LHFPL3: variants seen among roughly 807,000 people sequenced by gnomAD.
LHFPL3 encodes LHFPL tetraspan subfamily member 3 protein.
LHFPL3 carries 5 observed loss-of-function variants against 19.3 expected under a neutral mutation model. The ratio of observed to expected loss-of-function variants is 0.26; its 90% CI spans 0.14 to 0.54. LHFPL3 has a LOEUF of 0.54. LHFPL3 is among the 20% of genes least tolerant of loss of function. The pLI is 0.94. For missense variants in LHFPL3, 249 were observed against 307.4 expected (o/e 0.81, Z 1.42); for synonymous variants, 133 against 126.2 (o/e 1.05, Z -0.36).
chr7:104,670,138 CT>C (rs71155516), intron 1 of LHFPL3, among the ~76,000 whole-genome samples: 20,467 of 140,358 alleles, frequency 0.15, 1,564 homozygotes, highest in Non-Finnish European at 0.19. Flanking sequence ...GAGGGAATTC[CT>C]TTTTTTTTTT....
chr7:104,424,813 A>G (rs1304776446), intron 1 of LHFPL3, among the ~76,000 whole-genome samples: 3 of 151,808 alleles, frequency 2.0e-5, no homozygotes, highest in Non-Finnish European at 4.4e-5. Flanking sequence ...AACATGGTGA[A>G]ACCCTGTCTC....
At chr7:104,396,206 AAGAG>A (rs1208801915) in intron 1 of LHFPL3, among the ~76,000 whole-genome samples, 1 of 152,216 alleles carries the variant, frequency 6.6e-6, no homozygotes, top group Non-Finnish European at 1.5e-5. Flanking sequence ...ATTCTTAGGA[AAGAG>A]AGTTAGGCAA....
intron 1 of LHFPL3, among the ~76,000 whole-genome samples, chr7:104,503,717 G>A (rs186649076): frequency 1.3e-5 from 2 of 151,990 alleles, no homozygotes; most frequent in East Asian, 1.9e-4. Flanking sequence ...CCACAGGTGC[G>A]CACCACCACA....
At position 104,600,372 on chromosome 7, in the gene LHFPL3, A is replaced by G. The variant is rs75870817; in HGVS notation, c.446-136303A>G. 2.6e-5 allele frequency among the ~76,000 whole-genome samples: 4 copies of G among 152,274 alleles called. No individual in the cohort carries two copies. In the East Asian group the frequency reaches 5.8e-4, roughly 22 times the overall value. On this transcript the variant is annotated intron_variant, in intron 1 of 2. Coordinates refer to ENST00000424859, the MANE Select transcript of LHFPL3 (RefSeq NM_199000.3). ...TCAGGAGCAAAAGGAACAGGAATTAATTCTATACACTTTCCATATCACTGA... is the reference window on the plus strand; with the variant it reads ...TCAGGAGCAAAAGGAACAGGAATTAGTTCTATACACTTTCCATATCACTGA...
intron 2 of LHFPL3, among the ~76,000 whole-genome samples, chr7:104,772,212 A>G (rs1357460904): frequency 6.6e-6 from 1 of 152,094 alleles, no homozygotes; most frequent in Admixed American, 6.5e-5. Context: ...CACATCTTTT[A>G]TTATTCTTAT....
chr7:104,383,797 G>A (rs1249735102), intron 1 of LHFPL3, among the ~76,000 whole-genome samples: 1 of 152,136 alleles, frequency 6.6e-6, no homozygotes, highest in African/African-American at 2.4e-5. Flanking sequence ...TGCCTTGTTA[G>A]GGGGAGTGAA....
chr7:104,679,477 C>G (rs2116080743), intron 1 of LHFPL3, among the ~76,000 whole-genome samples: 1 of 152,324 alleles, frequency 6.6e-6, no homozygotes, highest in South Asian at 2.1e-4. Flanking sequence ...AAGGCTGTAT[C>G]AAGGAATGTG....
chr7:104,470,482 A>G (rs1310469980), intron 1 of LHFPL3, among the ~76,000 whole-genome samples: 1 of 152,244 alleles, frequency 6.6e-6, no homozygotes, highest in Non-Finnish European at 1.5e-5. Flanking sequence ...ATAAAGCAAG[A>G]CCATGACCAT....
intron 1 of LHFPL3, among the ~76,000 whole-genome samples, chr7:104,486,354 T>C (rs975074189): frequency 6.6e-6 from 1 of 152,250 alleles, no homozygotes; most frequent in Admixed American, 6.5e-5. Flanking sequence ...TCTATTTTGG[T>C]TGCTATAACA....
chr7:104,339,547 G>A (rs1412175581), intron 1 of LHFPL3, among the ~76,000 whole-genome samples: 3 of 152,258 alleles, frequency 2.0e-5, no homozygotes, highest in Non-Finnish European at 4.4e-5. Flanking sequence ...AGATCAACAC[G>A]CATCTGATTC....
At chr7:104,594,356 C>T (rs573415732) in intron 1 of LHFPL3, among the ~76,000 whole-genome samples, 29 of 152,302 alleles carry the variant, frequency 1.9e-4, no homozygotes, top group African/African-American at 6.7e-4. Context: ...AGAATGTTGA[C>T]TATTGGCTCC....
At chr7:104,689,122 T>C (rs1346854715) in intron 1 of LHFPL3, among the ~76,000 whole-genome samples, 2 of 152,218 alleles carry the variant, frequency 1.3e-5, no homozygotes, top group South Asian at 4.1e-4. Context: ...GGGGAGAACC[T>C]GCATCCTTGA....
intron 1 of LHFPL3, among the ~76,000 whole-genome samples, chr7:104,465,899 T>C (rs746642864): frequency 9.8e-5 from 15 of 152,324 alleles, no homozygotes; most frequent in Middle Eastern, 3.4e-3. Flanking sequence ...TTTTTTTAGT[T>C]TTGATTTCTG....
chr7:104,767,546 C>T lies in LHFPL3; in HGVS notation c.682+30635C>T, dbSNP rs549580439. Among the ~76,000 whole-genome samples, 3 of 152,314 alleles carry T rather than the reference C, an allele frequency of 2.0e-5. 1 individual carries two copies. Among genetic ancestry groups the T allele is most frequent in the African/African-American group, 7.2e-5 (3 of 41,562 alleles). ...AAATGAAATTTAGGTACCCTGTGTA[C>T]ACTTTTCTTCTTTTATAAAAGTATT... is the stretch of plus-strand genomic sequence containing the variant. On this transcript the variant is annotated intron_variant, in intron 2 of 2. Coordinates refer to ENST00000424859, the MANE Select transcript of LHFPL3 (RefSeq NM_199000.3).
intron 1 of LHFPL3, among the ~76,000 whole-genome samples, chr7:104,368,980 T>C (rs949287549): frequency 3.9e-5 from 6 of 152,342 alleles, no homozygotes; most frequent in African/African-American, 1.4e-4. Context: ...TTATTTTATA[T>C]TCACAGCGAT....
chr7:104,657,382 A>G (rs117377127), intron 1 of LHFPL3, among the ~76,000 whole-genome samples: 1,787 of 152,352 alleles, frequency 0.012, 18 homozygotes, highest in Non-Finnish European at 0.018. Context: ...TGGAAAGGCC[A>G]AGTCCAAGTT....
At chr7:104,892,172 T>C (rs967291904) in intron 2 of LHFPL3, among the ~76,000 whole-genome samples, 1 of 152,192 alleles carries the variant, frequency 6.6e-6, no homozygotes, top group Admixed American at 6.5e-5. Flanking sequence ...ATGTTTAGAA[T>C]AGCTATCCTT....
intron 1 of LHFPL3, among the ~76,000 whole-genome samples, chr7:104,437,210 AAC>A (rs1792125749): frequency 1.3e-5 from 2 of 152,226 alleles, no homozygotes; most frequent in African/African-American, 4.8e-5. Context: ...CTAGAGGTAA[AAC>A]AATTTTTATA....
chr7:104,414,182 A>G (rs1791580896), intron 1 of LHFPL3, among the ~76,000 whole-genome samples: 1 of 152,026 alleles, frequency 6.6e-6, no homozygotes, highest in Admixed American at 6.6e-5. Context: ...GTAGATGGAG[A>G]ATCAGAGTCA....
Sources: gnomAD v4.1 joint callset for allele counts (sites outside exome capture counted in the v4.1 genomes callset) on GRCh38, gnomAD v4.1.1 for gene constraint, MANE v1.5 for transcripts, NCBI Gene and HGNC (gene_info 2026-07-23, HGNC 2026-07-21) for gene names.